Variants in ACACB observed in about 807,000 individuals in gnomAD.
The protein encoded by ACACB is acetyl-CoA carboxylase 2.
In ACACB, 209 loss-of-function variants were observed where a neutral mutation model predicts 278.8. The ratio of observed to expected loss-of-function variants is 0.75; its 90% confidence interval spans 0.67 to 0.84. The LOEUF is 0.84. ACACB is among the 40% of genes least tolerant of loss of function. ACACB has a pLI of 0.00. For synonymous variants in ACACB, 1,174 were observed against 1,285.6 expected (o/e 0.91, Z 1.86); for missense variants, 2,850 against 3,269.0 (o/e 0.87, Z 3.13).
chr12:109,205,284 G>GC (rs979492826), intron 19 of ACACB, among the ~76,000 whole-genome samples: 5 of 152,158 alleles, frequency 3.3e-5, no homozygotes, highest in Non-Finnish European at 7.3e-5. Context: ...ATGAGGCAGG[G>GC]CCTGCCCACC....
intron 15 of ACACB, 63 bp downstream of exon 15, chr12:109,192,013 T>C: frequency 6.5e-7 from 1 of 1,533,960 alleles, no homozygotes; most frequent in Non-Finnish European, 9.0e-7. Context: ...GGAGGCTGAA[T>C]CTGTCTCCTT....
At chr12:109,153,872 A>G (rs2043444614) in intron 2 of ACACB, among the ~76,000 whole-genome samples, 1 of 152,104 alleles carries the variant, frequency 6.6e-6, no homozygotes, top group South Asian at 2.1e-4. Flanking sequence ...CATGTTGGCC[A>G]GGCCGGCCTC....
intron 27 of ACACB, among the ~76,000 whole-genome samples, chr12:109,226,888 T>C (rs1056015347): frequency 1.8e-4 from 27 of 152,222 alleles, no homozygotes; most frequent in Non-Finnish European, 7.4e-5. Flanking sequence ...TTAGAGTGGA[T>C]TTTGTGTAAC....
chr12:109,176,080 G>C, intron 8 of ACACB, 40 bp downstream of exon 8: 1 of 1,610,940 alleles, frequency 6.2e-7, no homozygotes, highest in Non-Finnish European at 8.5e-7. Flanking sequence ...AGCCAGAACC[G>C]AACTGCCTCT....
chr12:109,263,987 C>T, intron 49 of ACACB: 1 of 488,342 alleles, frequency 2.0e-6, no homozygotes, highest in Middle Eastern at 5.5e-4. Flanking sequence ...TGATCTGAGA[C>T]AAAGGGGGCC....
At chr12:109,257,326 A>C (rs2047254141) in intron 45 of ACACB, among the ~76,000 whole-genome samples, 1 of 152,002 alleles carries the variant, frequency 6.6e-6, no homozygotes, top group Non-Finnish European at 1.5e-5. Flanking sequence ...AAATAAAAAA[A>C]AAAAAATCCA....
chr12:109,210,575 G>A (rs578023188), intron 21 of ACACB, among the ~76,000 whole-genome samples: 2 of 148,424 alleles, frequency 1.3e-5, no homozygotes, highest in East Asian at 2.0e-4. Context: ...ATGTATGTGT[G>A]TATATACATA....
chr12:109,162,683 C>T (rs1593437739), intron 2 of ACACB, among the ~76,000 whole-genome samples: 1 of 152,176 alleles, frequency 6.6e-6, no homozygotes, highest in Admixed American at 6.5e-5. Context: ...CCCGTTCCCC[C>T]CGGGGCTCCA....
chr12:109,187,475 A>T (rs1008697245), intron 12 of ACACB, among the ~76,000 whole-genome samples: 2 of 143,908 alleles, frequency 1.4e-5, no homozygotes, highest in Non-Finnish European at 3.0e-5. Flanking sequence ...TTATTTATTT[A>T]TTTGAGACAG....
At chr12:109,161,630 C>T (rs2043724184) in intron 2 of ACACB, among the ~76,000 whole-genome samples, 1 of 151,832 alleles carries the variant, frequency 6.6e-6, no homozygotes, top group Non-Finnish European at 1.5e-5. Context: ...TTCACAGTAG[C>T]AAAGATATGG....
chr12:109,128,086 T>C, intron 1 of ACACB, among the ~76,000 whole-genome samples: 1 of 152,170 alleles, frequency 6.6e-6, no homozygotes, highest in East Asian at 1.9e-4. Context: ...CCCTCACGTC[T>C]GTCTCCAACC....
At position 109,179,977 on chromosome 12, in the gene ACACB, T is replaced by C; in HGVS notation, c.1708T>C (p.Tyr570His). Reference protein sequence around the residue: ...YVSAGTVEYLYSQDGSFHFLE... With the variant: ...YVSAGTVEYLHSQDGSFHFLE... Reference sequence around the variant, plus strand: ...GAGTGCAGGGACAGTGGAATACCTCTATAGTCAGGATGGCAGCTTCCACTT... The same window carrying C: ...GAGTGCAGGGACAGTGGAATACCTCCATAGTCAGGATGGCAGCTTCCACTT... Residue 570 changes from tyrosine to histidine, a missense_variant, in exon 11 of 53, where the codon TAT (tyrosine) becomes CAT (histidine). By Grantham distance (83) the Tyr-to-His change is moderately conservative (BLOSUM62 2). Around this residue, in one of 3 missense-constraint regions of ACACB, gnomAD observed 2,265 missense variants for 2,561.3 expected, o/e 0.88. Transcript: ENST00000338432. 3 of 1,614,004 alleles carry C rather than the reference T, an allele frequency of 1.9e-6. No homozygotes were observed. The highest frequency in any genetic ancestry group is 1.7e-6 in the Non-Finnish European group (2 of 1,179,964).
Position 109,210,008 on chromosome 12 carries a change from T to TCAC in ACACB, c.3249+655_3249+656insCAC, listed in dbSNP as rs2045667834. Among the ~76,000 whole-genome samples the TCAC allele has an allele frequency of 1.8e-5, 2 of 114,106 alleles. 1 individual carries two copies. 74.9% of individuals were successfully genotyped at this position (114,106 alleles called of 152,430 possible). ...GTGTGTGTATATATGTGTATATGTG[T>TCAC]ATATATACACACGTGTGTATATATG... On this transcript the variant is annotated intron_variant, in intron 21 of 52. Transcript: ENST00000338432.
intron 11 of ACACB, among the ~76,000 whole-genome samples, chr12:109,180,921 T>C (rs1235988179): frequency 6.6e-6 from 1 of 152,210 alleles, no homozygotes; most frequent in Non-Finnish European, 1.5e-5. Context: ...GCCGTATTCA[T>C]TCTCTTAATC....
chr12:109,204,699 A>C (rs558002862), intron 19 of ACACB, among the ~76,000 whole-genome samples: 10 of 151,976 alleles, frequency 6.6e-5, no homozygotes, highest in Admixed American at 1.3e-4. Context: ...TATTTCCATG[A>C]GTTTATTTGT....
chr12:109,211,203 C>T (rs145749888), intron 21 of ACACB, among the ~76,000 whole-genome samples: 121 of 151,910 alleles, frequency 8.0e-4, no homozygotes, highest in South Asian at 1.7e-3. Context: ...AGGCCATTCT[C>T]GGAGGTTAGG....
chr12:109,133,623 T>C (rs2042886069), intron 1 of ACACB, among the ~76,000 whole-genome samples: 1 of 152,022 alleles, frequency 6.6e-6, no homozygotes. Context: ...CTGCTGTTTC[T>C]TATATCTCAC....
intron 24 of ACACB, among the ~76,000 whole-genome samples, chr12:109,221,945 C>T (rs1158540539): frequency 6.8e-5 from 10 of 147,312 alleles, no homozygotes; most frequent in African/African-American, 2.6e-4. Context: ...TACAGTGGTG[C>T]GATCTCAGCT....
chr12:109,266,466 A>G lies in ACACB; in HGVS notation c.*104A>G. 7.2e-7 allele frequency: 1 copy of G among 1,383,980 alleles called. No homozygotes were observed. Among genetic ancestry groups the G allele is most frequent in the Non-Finnish European group, 9.5e-7 (1 of 1,054,608 alleles). 85.7% of individuals were successfully genotyped at this position (1,383,980 alleles called of 1,614,324 possible). A position where few individuals can be genotyped will look rare whatever the true frequency, so the allele number is the denominator to read the frequency against. Reference sequence around the variant, plus strand: ...CCTGAAGACTTGCTTTTAAACAAAGAAAATCCTGGGCACTTCTGCAGGGCT... The same window carrying G: ...CCTGAAGACTTGCTTTTAAACAAAGGAAATCCTGGGCACTTCTGCAGGGCT... On this transcript the variant is annotated 3_prime_UTR_variant, in exon 53 of 53. Coordinates refer to ENST00000338432, the MANE Select transcript of ACACB (RefSeq NM_001093.4).
Sources: allele counts gnomAD v4.1 joint callset (sites outside exome capture counted in the v4.1 genomes callset), GRCh38; gene constraint gnomAD v4.1.1; regional missense constraint gnomAD v4.1.1; transcripts MANE v1.5; gene names NCBI Gene and HGNC (gene_info 2026-07-23, HGNC 2026-07-21).